TKFC: variants seen among roughly 807,000 people sequenced by gnomAD.
The protein encoded by TKFC is triokinase/FMN cyclase.
Under a neutral mutation model 61.0 loss-of-function variants are expected in TKFC, and 46 were observed. That is an observed-to-expected ratio of 0.75 (90% CI 0.60 to 0.96). The LOEUF is 0.96. Ranked by LOEUF, TKFC falls within the 50% of genes least tolerant of loss-of-function variation. The pLI, the probability that TKFC is intolerant of heterozygous loss-of-function variation, is 0.00. For synonymous variants in TKFC, 314 were observed against 330.1 expected, an observed-to-expected ratio of 0.95 and a Z score of 0.53; for missense variants, 715 against 777.5, an observed-to-expected ratio of 0.92 and a Z score of 0.96.
At position 61,343,939 on chromosome 11, in the gene TKFC, G is replaced by C; in HGVS notation, c.1066G>C (p.Glu356Gln). 6.2e-7 allele frequency: 1 copy of C among 1,611,500 alleles called. No individual in the cohort carries two copies. Among genetic ancestry groups the C allele is most frequent in the Non-Finnish European group, 8.5e-7 (1 of 1,179,986 alleles). ...GRKRSRVAPA[E>Q]PQEAPDSTAA... The stretch of plus-strand genomic sequence containing the variant: ...GAAGCGGAGCCGGGTAGCCCCTGCC[G>C]AGCCCCAGGAGGCCCCTGATTCCAC... Residue 356 changes from glutamate to glutamine, a missense_variant, in exon 12 of 18, where the codon GAG becomes CAG. Glu to Gln is a conservative substitution (Grantham distance 29, BLOSUM62 2). Transcript: ENST00000394900.
Position 61,344,204 on chromosome 11 carries a change from C to T in TKFC, c.1171C>T (p.His391Tyr). Residue 391 changes from histidine to tyrosine, a missense_variant, in exon 13 of 18, where the codon CAC becomes TAC. Transcript: ENST00000394900. ...VCSTLLGLEE[H>Y]LNALDRAAGD... is the part of the protein sequence containing the mutation. The stretch of plus-strand genomic sequence containing the variant: ...CAGCACTCTCCTGGGCCTGGAGGAA[C>T]ACCTGAATGCCCTGGACCGGGCTGC... The T allele has an allele frequency of 6.2e-7, 1 of 1,612,798 alleles. No homozygotes were observed. Among genetic ancestry groups the T allele is most frequent in the Admixed American group, 1.7e-5 (1 of 60,028 alleles).
chr11:61,342,177 C>T (rs1856885490), intron 7 of TKFC: 2 of 610,556 alleles, frequency 3.3e-6, no homozygotes, highest in Non-Finnish European at 5.8e-6. Context: ...CTGTCCCTGC[C>T]AGAATACACC....
chr11:61,352,733 G>A, downstream of TKFC: 3 of 1,181,042 alleles, frequency 2.5e-6, no homozygotes, highest in Non-Finnish European at 3.4e-6. Context: ...TGGTTGACAG[G>A]ATTAAATGTA....
At chr11:61,336,711 T>C (rs1390386694) in intron 2 of TKFC, among the ~76,000 whole-genome samples, 3 of 152,142 alleles carry the variant, frequency 2.0e-5, no homozygotes, top group African/African-American at 7.2e-5. Context: ...CACACTCCAT[T>C]CTGGCCCCCA....
intron 5 of TKFC, 72 bp downstream of exon 5, chr11:61,339,507 A>C: frequency 6.7e-7 from 1 of 1,496,416 alleles, no homozygotes; most frequent in Non-Finnish European, 9.0e-7. Context: ...GCACCCAGTA[A>C]CTGGACCTTT....
chr11:61,343,587 C>T, intron 11 of TKFC, 129 bp downstream of exon 11: 1 of 944,352 alleles, frequency 1.1e-6, no homozygotes, highest in Admixed American at 2.3e-5. Context: ...GAAGGCTCTT[C>T]CTGGGCTTCT....
intron 5 of TKFC, among the ~76,000 whole-genome samples, chr11:61,340,597 A>C: frequency 4.9e-4 from 1 of 2,054 alleles, no homozygotes; most frequent in African/African-American, 5.4e-4. Context: ...CTCATGATCC[A>C]CCCGCCTCGG....
downstream of TKFC, chr11:61,350,802 G>T: frequency 1.3e-6 from 1 of 770,790 alleles, no homozygotes. Flanking sequence ...GGGAGTCCCA[G>T]CATTTCACTG....
At chr11:61,351,113 T>G, downstream of TKFC, 1 of 1,613,790 alleles carries the variant, frequency 6.2e-7, no homozygotes. Flanking sequence ...ACCGCCTCAC[T>G]GGGCAGGCTG....
At chr11:61,343,759 G>A (rs1856977894) in intron 11 of TKFC, 97 bp from the exon 12 acceptor site, 4 of 1,522,718 alleles carry the variant, frequency 2.6e-6, no homozygotes, top group Middle Eastern at 1.8e-4. Flanking sequence ...GGGCTGCTGA[G>A]AAAGCCAGGC....
rs1857155723 is a variant in TKFC at position 61,346,894 on chromosome 11, A to G, written c.*391A>G. 3.0e-6 allele frequency: 3 copies of G among 1,000,666 alleles called. No individual in the cohort carries two copies. The highest frequency in any genetic ancestry group is 3.6e-6 in the Non-Finnish European group (3 of 839,636). 62.0% of individuals were successfully genotyped at this position (1,000,666 alleles called of 1,614,324 possible). A position where few individuals can be genotyped will look rare whatever the true frequency, so the allele number is the denominator to read the frequency against. On this transcript the variant is annotated 3_prime_UTR_variant, in exon 18 of 18. Coordinates refer to ENST00000394900, the MANE Select transcript of TKFC (RefSeq NM_015533.4). This position sits in a 1 kb window ranked among gnomAD's most constrained non-coding sequence, Gnocchi z 4.1. Reference sequence around the variant, plus strand: ...CCCAGTGAGCGTGAAAAAGAAAGTTAATAAACTATAATACATGGAAGCAAG... The same window carrying G: ...CCCAGTGAGCGTGAAAAAGAAAGTTGATAAACTATAATACATGGAAGCAAG...
At chr11:61,335,922 GTA>G (rs1363864323) in intron 2 of TKFC, 1 of 152,264 alleles carries the variant, frequency 6.6e-6, no homozygotes, top group Admixed American at 6.5e-5. Context: ...AGCCTCCCGA[GTA>G]GCTGGAATTA....
intron 6 of TKFC, 30 bp from the exon 7 acceptor site, chr11:61,341,793 A>C (rs543263692): frequency 8.2e-6 from 13 of 1,594,368 alleles, no homozygotes; most frequent in African/African-American, 8.0e-5. Flanking sequence ...AGAGTGGAAC[A>C]GTCATCCCTT....
At chr11:61,344,583 C>G (rs542615862) in intron 13 of TKFC, among the ~76,000 whole-genome samples, 1 of 152,060 alleles carries the variant, frequency 6.6e-6, no homozygotes, top group East Asian at 1.9e-4. Flanking sequence ...AGGCTGGTCT[C>G]TAACTCCCCA....
At chr11:61,341,729 C>T in intron 6 of TKFC, 94 bp from the exon 7 acceptor site, 1 of 1,349,244 alleles carries the variant, frequency 7.4e-7, no homozygotes, top group Non-Finnish European at 1.1e-6. Context: ...AAGAGGGTAC[C>T]TGTGGGCAGG....
chr11:61,345,191 G>A (rs1270400789), intron 13 of TKFC, 69 bp from the exon 14 acceptor site: 12 of 1,332,670 alleles, frequency 9.0e-6, no homozygotes, highest in Non-Finnish European at 1.1e-5. Context: ...GCCTTCATTG[G>A]TGCTGGCTGG....
Position 61,342,580 on chromosome 11 carries a change from A to G in TKFC, c.697A>G (p.Thr233Ala), listed in dbSNP as rs1856907335. The G allele has an allele frequency of 1.2e-6, 2 of 1,613,816 alleles. No individual in the cohort carries two copies. Among genetic ancestry groups the G allele is most frequent in the South Asian group, 1.1e-5 (1 of 91,088 alleles). ...EAGVRRIKMA[T>A]ADEIVKLMLD... ...TCCTGGCTCCCTCTGACAGATGGCA[A>G]CCGCCGATGAGATTGTGAAACTCAT... is the stretch of plus-strand genomic sequence containing the variant. Residue 233 changes from threonine to alanine, a missense_variant, in exon 9 of 18, where the codon ACC (threonine) becomes GCC (alanine). By Grantham distance (58) the Thr-to-Ala change is moderately conservative (BLOSUM62 0). Transcript: ENST00000394900.
chr11:61,353,184 C>G (rs1464935424), downstream of TKFC: 1 of 1,542,740 alleles, frequency 6.5e-7, no homozygotes, highest in Non-Finnish European at 8.7e-7. Context: ...TATGTGTGAC[C>G]AAAGCACATC....
At chr11:61,350,827 G>T, downstream of TKFC, 1 of 978,176 alleles carries the variant, frequency 1.0e-6, no homozygotes, top group Non-Finnish European at 1.5e-6. Flanking sequence ...GCGCTGGTTT[G>T]GGACCAGTGC....
Sources: gnomAD v4.1 joint callset for allele counts (sites outside exome capture counted in the v4.1 genomes callset) on GRCh38, gnomAD v4.1.1 for gene constraint, Gnocchi (gnomAD v3.1) non-coding constraint, MANE v1.5 for transcripts, NCBI Gene and HGNC (gene_info 2026-07-23, HGNC 2026-07-21) for gene names.